PRDM1: variants seen among roughly 807,000 people sequenced by gnomAD.
PRDM1 encodes PR/SET domain 1, also known as PR domain zinc finger protein 1.
A neutral mutation model predicts 62.8 loss-of-function variants in PRDM1; 13 were observed. The ratio of observed to expected loss-of-function variants is 0.21; its 90% CI spans 0.13 to 0.33. The LOEUF (loss-of-function observed/expected upper bound fraction) is 0.33, where lower values mean the gene tolerates loss of function less well. Among genes scored for constraint, PRDM1 ranks in the 10% least tolerant of loss-of-function variants. The pLI is 1.00. For missense variants in PRDM1, 895 were observed against 1,058.8 expected (o/e 0.85, Z 2.15); for synonymous variants, 396 against 417.6 (o/e 0.95, Z 0.63).
In PRDM1 at chr6:106,109,449, C is replaced by T. The variant is rs1157266338; in HGVS notation, c.*1963C>T. ...ATAATTATATTTGACATTTTGTTCA[C>T]ATCAACTAATGTTCACCTGTAGAAG... On this transcript the variant is annotated 3_prime_UTR_variant, in exon 7 of 7. Transcript: ENST00000369096. 2 of 233,538 alleles carry T rather than the reference C, an allele frequency of 8.6e-6. No individual in the cohort carries two copies. The highest frequency in any genetic ancestry group is 6.0e-5 in the East Asian group (1 of 16,638). 14.5% of individuals were successfully genotyped at this position (233,538 alleles called of 1,614,324 possible).
chr6:106,020,498 C>A (rs191752787), intron 1 of PRDM1, among the ~76,000 whole-genome samples: 1 of 152,240 alleles, frequency 6.6e-6, no homozygotes, highest in African/African-American at 2.4e-5. Context: ...ACTCAGAGAA[C>A]TGATGGGGAG....
At chr6:106,099,604 G>GC in intron 4 of PRDM1, 52 bp downstream of exon 4, 2 of 1,598,720 alleles carry the variant, frequency 1.3e-6, no homozygotes, top group Non-Finnish European at 1.7e-6. Context: ...TGTCGGTTCT[G>GC]CCCCTTTGAA....
chr6:106,063,003 A>G (rs1773369003), intron 1 of PRDM1, among the ~76,000 whole-genome samples: 1 of 152,158 alleles, frequency 6.6e-6, no homozygotes, highest in Non-Finnish European at 1.5e-5. Context: ...CTGCAATAGG[A>G]ATGGCGGGGT....
At chr6:106,098,773 T>C in intron 3 of PRDM1, 1 of 1,474,432 alleles carries the variant, frequency 6.8e-7, no homozygotes, top group Non-Finnish European at 9.1e-7. Flanking sequence ...ACTTGGAGGG[T>C]TGGGGGTGGA....
intron 1 of PRDM1, among the ~76,000 whole-genome samples, chr6:106,013,453 G>A (rs980957501): frequency 6.7e-6 from 1 of 149,984 alleles, no homozygotes; most frequent in East Asian, 2.0e-4. Flanking sequence ...TCAGCCTCCC[G>A]AGTAGCTCGG....
chr6:106,047,700 A>C (rs187106374), upstream of PRDM1, among the ~76,000 whole-genome samples: 444 of 152,318 alleles, frequency 2.9e-3, 1 homozygote, highest in Non-Finnish European at 5.2e-3. Context: ...TTTCACTAAA[A>C]CTTTAGTAAG....
Position 106,107,576 on chromosome 6 carries a change from C to G in PRDM1, c.*90C>G. ...AAGTGGCTTGTACATAATCCCAGCT[C>G]TGCAAAGCTCTCTCGACAGCAAATG... is the stretch of plus-strand genomic sequence containing the variant. On this transcript the variant is annotated 3_prime_UTR_variant, in exon 7 of 7. Transcript: ENST00000369096. 8.6e-7 allele frequency: 1 copy of G among 1,163,198 alleles called. No individual in the cohort carries two copies. The highest frequency in any genetic ancestry group is 2.5e-5 in the East Asian group (1 of 40,120). The allele number at this position is 1,163,198 out of a possible 1,614,324, so 72.1% of individuals were successfully genotyped here.
intron 2 of PRDM1, among the ~76,000 whole-genome samples, chr6:106,095,266 C>T (rs1774079651): frequency 6.6e-6 from 1 of 152,118 alleles, no homozygotes; most frequent in South Asian, 2.1e-4. Context: ...TAATCTTGAC[C>T]ATCTAATTCT....
intron 4 of PRDM1, 118 bp downstream of exon 4, chr6:106,099,670 G>T: frequency 1.4e-6 from 2 of 1,398,948 alleles, no homozygotes; most frequent in East Asian, 4.8e-5. Flanking sequence ...GAAGTAGGTG[G>T]CTTAAGCTAG....
In PRDM1 at chr6:106,095,609, GT is replaced by G. The variant is rs1249219137; in HGVS notation, c.292-3del. ...GTAATTGTTTCCTGTGTTTTTTCCT[GT>G]TTAGGTTATTGGAGTGATGAGTAAA... is the stretch of plus-strand genomic sequence containing the variant. On this transcript the variant is annotated splice_polypyrimidine_tract_variant and splice_region_variant and intron_variant, in intron 2 of 6. Coordinates refer to ENST00000369096, the MANE Select transcript of PRDM1 (RefSeq NM_001198.4). 18 of 1,609,684 alleles carry G rather than the reference GT, an allele frequency of 1.1e-5. No individual in the cohort carries two copies. The highest frequency in any genetic ancestry group is 1.6e-4 in the Middle Eastern group (1 of 6,064).
At chr6:106,009,566 T>C (rs1031726529) in intron 1 of PRDM1, among the ~76,000 whole-genome samples, 2 of 151,986 alleles carry the variant, frequency 1.3e-5, no homozygotes, top group African/African-American at 2.4e-5. Flanking sequence ...CCTACATATA[T>C]ACACATGGGG....
intron 1 of PRDM1, among the ~76,000 whole-genome samples, chr6:106,069,502 A>C (rs9398060): frequency 6.6e-6 from 1 of 152,172 alleles, no homozygotes; most frequent in East Asian, 1.9e-4. Flanking sequence ...AGTTGTAACA[A>C]TCATGGAGAG....
chr6:106,060,586 TGGG>T (rs1773330949), intron 1 of PRDM1, among the ~76,000 whole-genome samples: 1 of 152,072 alleles, frequency 6.6e-6, no homozygotes, highest in Non-Finnish European at 1.5e-5. Flanking sequence ...GACTTGAAGC[TGGG>T]TGATAAGGGA....
chr6:106,081,544 G>C (rs1236764945), upstream of PRDM1, among the ~76,000 whole-genome samples: 1 of 152,138 alleles, frequency 6.6e-6, no homozygotes, highest in Non-Finnish European at 1.5e-5. Context: ...GTGTAGAAGG[G>C]GATATATGGT....
intron 1 of PRDM1, among the ~76,000 whole-genome samples, chr6:106,069,502 A>G (rs9398060): frequency 0.071 from 10,803 of 152,274 alleles, 534 homozygotes; most frequent in East Asian, 0.16. Context: ...AGTTGTAACA[A>G]TCATGGAGAG....
At chr6:106,051,183 C>T (rs528656728) in intron 1 of PRDM1, among the ~76,000 whole-genome samples, 1 of 152,346 alleles carries the variant, frequency 6.6e-6, no homozygotes, top group East Asian at 1.9e-4. Context: ...ATCACAAAGC[C>T]AGTTTCCTTA....
intron 1 of PRDM1, among the ~76,000 whole-genome samples, chr6:105,995,721 AG>A (rs1194595223): frequency 1.3e-5 from 2 of 151,626 alleles, no homozygotes; most frequent in Non-Finnish European, 3.0e-5. Flanking sequence ...TTTGAATGAA[AG>A]TTTTTTTTTT....
At chr6:106,049,210 G>A (rs368688300) in intron 1 of PRDM1, among the ~76,000 whole-genome samples, 3 of 152,216 alleles carry the variant, frequency 2.0e-5, no homozygotes, top group East Asian at 3.8e-4. Context: ...GAGAACAGAT[G>A]CTGTTACTGG....
At chr6:106,016,295 G>T (rs1249611264) in intron 1 of PRDM1, among the ~76,000 whole-genome samples, 1 of 152,012 alleles carries the variant, frequency 6.6e-6, no homozygotes, top group East Asian at 1.9e-4. Flanking sequence ...ATCTTCTAGT[G>T]CTTTCTTCAT....
Sources: gnomAD v4.1 joint callset for allele counts (sites outside exome capture counted in the v4.1 genomes callset) on GRCh38, gnomAD v4.1.1 for gene constraint, MANE v1.5 for transcripts, NCBI Gene and HGNC (gene_info 2026-07-23, HGNC 2026-07-21) for gene names.